RBFOX2: variants seen among roughly 807,000 people sequenced by gnomAD.
RBFOX2 encodes RNA binding fox-1 homolog 2.
A neutral mutation model predicts 49.1 loss-of-function variants in RBFOX2; 10 were observed. The observed-to-expected ratio is 0.20, with a 90% CI of 0.13 to 0.35. RBFOX2 has a LOEUF of 0.35. RBFOX2 is among the 10% of genes least tolerant of loss of function. The pLI is 1.00. For synonymous variants in RBFOX2, 183 were observed against 187.4 expected (o/e 0.98, Z 0.19); for missense variants, 323 against 486.9 (o/e 0.66, Z 3.17).
intron 2 of RBFOX2, among the ~76,000 whole-genome samples, chr22:35,804,653 T>C (rs181384771): frequency 3.8e-4 from 58 of 152,048 alleles, no homozygotes; most frequent in African/African-American, 1.3e-3. Context: ...AAGAATCCTA[T>C]AGCTAACAAA....
At chr22:35,817,407 G>A (rs1953349137) in intron 1 of RBFOX2, among the ~76,000 whole-genome samples, 1 of 152,036 alleles carries the variant, frequency 6.6e-6, no homozygotes, top group Non-Finnish European at 1.5e-5. Flanking sequence ...AACATCGGAG[G>A]CAGAGGTTGC....
intron 2 of RBFOX2, among the ~76,000 whole-genome samples, chr22:35,801,550 C>A (rs1949792075): frequency 6.6e-6 from 1 of 152,086 alleles, no homozygotes; most frequent in South Asian, 2.1e-4. Flanking sequence ...TTGGGCCAGG[C>A]AGAGTGACTC....
intron 11 of RBFOX2, 108 bp downstream of exon 13, chr22:35,745,815 G>C: frequency 8.9e-7 from 1 of 1,124,288 alleles, no homozygotes; most frequent in Non-Finnish European, 1.3e-6. Context: ...TTAATACCTT[G>C]ATGGTGGATG....
chr22:36,028,123 C>A (rs1202326943), intron 1 of RBFOX2, 117 bp downstream of exon 1: 2 of 1,304,070 alleles, frequency 1.5e-6, no homozygotes, highest in African/African-American at 1.6e-5. Context: ...AATGGCCCCC[C>A]ATCCCACCTC....
At chr22:35,872,402 A>G (rs951694604) in intron 1 of RBFOX2, among the ~76,000 whole-genome samples, 1 of 152,140 alleles carries the variant, frequency 6.6e-6, no homozygotes, top group Non-Finnish European at 1.5e-5. Flanking sequence ...AATCAGCTCA[A>G]TCAGACCCTC....
intron 1 of RBFOX2, among the ~76,000 whole-genome samples, chr22:35,824,016 G>T (rs1955100509): frequency 6.6e-6 from 1 of 152,066 alleles, no homozygotes; most frequent in Non-Finnish European, 1.5e-5. Flanking sequence ...AGGTGTGGTG[G>T]CGCACACCTG....
chr22:35,839,771 G>GA lies in RBFOX2; in HGVS notation c.27+420dup, dbSNP rs1266577911. On this transcript the variant is annotated intron_variant, in intron 1 of 11. Transcript: ENST00000405409. ...ATCCTGAGAAACCAAAGTGAACAAG[G>GA]AATCAGATTTCCCTATAACACAAAT... is the stretch of plus-strand genomic sequence containing the variant. 3.9e-5 allele frequency among the ~76,000 whole-genome samples: 6 copies of GA among 152,252 alleles called. No individual in the cohort carries two copies. The East Asian group carries it at 1.2e-3, about 29-fold the overall frequency.
chr22:35,758,277 T>C (rs1937545265), intron 9 of RBFOX2, among the ~76,000 whole-genome samples: 1 of 152,162 alleles, frequency 6.6e-6, no homozygotes, highest in South Asian at 2.1e-4. Context: ...TGACACAGAC[T>C]TGGTAGAGAA....
intron 4 of RBFOX2, among the ~76,000 whole-genome samples, chr22:35,770,743 T>C (rs547183711): frequency 5.9e-5 from 9 of 152,220 alleles, no homozygotes; most frequent in Admixed American, 1.3e-4. Context: ...GAATGGAAGG[T>C]GGTATGATGA....
At chr22:35,958,501 G>A (rs1043424818) in intron 1 of RBFOX2, among the ~76,000 whole-genome samples, 3 of 152,136 alleles carry the variant, frequency 2.0e-5, no homozygotes, top group African/African-American at 7.2e-5. Context: ...TCCTGCTGCT[G>A]TTGCTTCCAA....
At chr22:35,823,908 G>A (rs1278110553) in intron 1 of RBFOX2, among the ~76,000 whole-genome samples, 8 of 152,146 alleles carry the variant, frequency 5.3e-5, no homozygotes. Flanking sequence ...CCAGCACTGT[G>A]GAAGGCCGAG....
chr22:35,992,644 T>A (rs1250921919), intron 1 of RBFOX2: 1 of 152,156 alleles, frequency 6.6e-6, no homozygotes, highest in Non-Finnish European at 1.5e-5. Context: ...ATAAAAAAGC[T>A]CCATTTTGAC....
chr22:35,800,317 TC>T (rs1949536144), intron 2 of RBFOX2, among the ~76,000 whole-genome samples: 2 of 152,188 alleles, frequency 1.3e-5, no homozygotes, highest in African/African-American at 4.8e-5. Context: ...CTGTGACAGA[TC>T]AATCTTCTCC....
At position 35,749,431 on chromosome 22, in the gene RBFOX2, T is replaced by G. The variant is rs1048288436; in HGVS notation, c.888-2870A>C. Among the ~76,000 whole-genome samples, 12 of 152,274 alleles carry G rather than the reference T, an allele frequency of 7.9e-5. No homozygotes were observed. Among genetic ancestry groups the G allele is most frequent in the African/African-American group, 2.2e-4 (9 of 41,546 alleles). On this transcript the variant is annotated intron_variant, in intron 9 of 11. Coordinates refer to ENST00000405409, the Ensembl canonical transcript of RBFOX2. The surrounding 1 kb of genome is among the most constrained non-coding windows in gnomAD (Gnocchi z 4.1). ...ATAGGCAATATCCTACTAAACTAACTTGGTAATTCACTAATGACTACTCCA... is the reference window on the plus strand; with the variant it reads ...ATAGGCAATATCCTACTAAACTAACGTGGTAATTCACTAATGACTACTCCA...
At chr22:35,979,844 AACTC>A (rs565849847) in intron 1 of RBFOX2, among the ~76,000 whole-genome samples, 181 of 152,370 alleles carry the variant, frequency 1.2e-3, no homozygotes, top group Non-Finnish European at 1.9e-3. Context: ...GTGCCATACT[AACTC>A]AGTCTGTCAA....
chr22:36,016,225 G>C (rs2059029615), intron 1 of RBFOX2, among the ~76,000 whole-genome samples: 1 of 151,894 alleles, frequency 6.6e-6, no homozygotes, highest in African/African-American at 2.4e-5. Flanking sequence ...AAAAGCAATT[G>C]AAAGAAATTT....
At chr22:35,913,893 G>A (rs2050115546) in intron 1 of RBFOX2, among the ~76,000 whole-genome samples, 2 of 152,096 alleles carry the variant, frequency 1.3e-5, no homozygotes, top group South Asian at 4.1e-4. Context: ...TAAAGGACGG[G>A]AATTTCTTTA....
intron 2 of RBFOX2, among the ~76,000 whole-genome samples, chr22:35,784,237 G>C (rs1945867461): frequency 6.6e-6 from 1 of 152,210 alleles, no homozygotes; most frequent in African/African-American, 2.4e-5. Context: ...GTTAGGGAGA[G>C]CTTCTGATAT....
intron 1 of RBFOX2, among the ~76,000 whole-genome samples, chr22:35,870,186 G>T (rs934762115): frequency 6.6e-6 from 1 of 152,140 alleles, no homozygotes; most frequent in South Asian, 2.1e-4. Context: ...AATAAAATTG[G>T]AACGCAGGAG....
Sources: gnomAD v4.1 joint callset for allele counts (sites outside exome capture counted in the v4.1 genomes callset) on GRCh38, gnomAD v4.1.1 for gene constraint, Gnocchi (gnomAD v3.1) non-coding constraint, MANE v1.5 for transcripts, NCBI Gene and HGNC (gene_info 2026-07-23, HGNC 2026-07-21) for gene names.